The following ZNF568 variants were observed in gnomAD, a reference collection of about 807,000 sequenced individuals.
The protein encoded by ZNF568 is zinc finger protein 568.
ZNF568 carries 11 observed loss-of-function variants against 18.1 expected under a neutral mutation model. The ratio of observed to expected loss-of-function variants is 0.61; its 90% CI spans 0.38 to 1.00. The LOEUF (loss-of-function observed/expected upper bound fraction) is 1.00, where lower values mean the gene tolerates loss of function less well. Ranked by LOEUF, ZNF568 falls within the 50% of genes least tolerant of loss-of-function variation. ZNF568 has a pLI of 0.01. For synonymous variants in ZNF568, 213 were observed against 246.6 expected (o/e 0.86, Z 1.28); for missense variants, 639 against 768.2 (o/e 0.83, Z 1.99).
intron 6 of ZNF568, among the ~76,000 whole-genome samples, chr19:36,968,958 C>T (rs180856617): frequency 1.3e-5 from 2 of 151,022 alleles, no homozygotes; most frequent in South Asian, 2.1e-4. Flanking sequence ...TAGGTTCAAG[C>T]GATTCTCCTG....
In ZNF568 at chr19:36,986,880, C is replaced by T. The variant is rs139072427; in HGVS notation, c.10-4296C>T. Among the ~76,000 whole-genome samples the T allele has an allele frequency of 2.4e-3, 367 of 152,244 alleles. 2 individuals carry two copies. Among genetic ancestry groups the T allele is most frequent in the Non-Finnish European group, 3.6e-3 (244 of 68,018 alleles). On this transcript the variant is annotated intron_variant, in intron 2 of 4. Transcript: ENST00000433993. ...CCGCTCCCCTAAGTGCAGGGGCCAG[C>T]TGAGGGTTCTTTCAAAGGATCAGGA...
chr19:36,937,072 G>C, intron 5 of ZNF568, 75 bp from the exon 6 acceptor site: 1 of 1,493,372 alleles, frequency 6.7e-7, no homozygotes, highest in East Asian at 2.3e-5. Flanking sequence ...AAGCCCTCAA[G>C]CTTGGACTTA....
chr19:36,989,224 C>T (rs2074402507), intron 2 of ZNF568, among the ~76,000 whole-genome samples: 1 of 152,160 alleles, frequency 6.6e-6, no homozygotes, highest in Non-Finnish European at 1.5e-5. Context: ...CCTCTGTTGC[C>T]TAGGCTAGAC....
At chr19:36,919,926 G>A (rs2073422965) in intron 2 of ZNF568, among the ~76,000 whole-genome samples, 1 of 152,092 alleles carries the variant, frequency 6.6e-6, no homozygotes, top group Non-Finnish European at 1.5e-5. Flanking sequence ...ATATGTTACT[G>A]GTTCATGTGC....
chr19:36,950,725 T>C lies in ZNF568; in HGVS notation c.1572T>C (p.His524=), dbSNP rs759243098. ...ACCTCACTGAACATGAGAAAATTCA[T>C]ACTGGAGAGAAACCTTATCATTGTA... ...KSNLTEHEKI[H]TGEKPYHCNQ... Residue 524 remains histidine (H), a synonymous_variant, in exon 7 of 7, where the codon CAT becomes CAC. Transcript: ENST00000333987. The C allele has an allele frequency of 1.9e-6, 3 of 1,613,590 alleles. No individual in the cohort carries two copies. Among genetic ancestry groups the C allele is most frequent in the South Asian group, 1.1e-5 (1 of 91,064 alleles).
intron 6 of ZNF568, among the ~76,000 whole-genome samples, chr19:36,966,649 C>T (rs2074197098): frequency 6.6e-6 from 1 of 152,118 alleles, no homozygotes; most frequent in African/African-American, 2.4e-5. Context: ...TAAGCTTTGT[C>T]AGTAGAGGGT....
chr19:36,982,822 T>TG (rs2074342753), downstream of ZNF568, among the ~76,000 whole-genome samples: 1 of 152,242 alleles, frequency 6.6e-6, no homozygotes, highest in African/African-American at 2.4e-5. Flanking sequence ...GGGAAAAACC[T>TG]AACTTAGCCA....
At chr19:36,997,783 A>C (rs1319128786), downstream of ZNF568, 1 of 598,486 alleles carries the variant, frequency 1.7e-6, no homozygotes, top group Non-Finnish European at 2.9e-6. Flanking sequence ...TGGAAAAAAA[A>C]ACTTATGATT....
Position 36,936,961 on chromosome 19 carries a change from A to G in ZNF568, c.262+89A>G. On this transcript the variant is annotated intron_variant, in intron 5 of 6. Coordinates refer to ENST00000333987, the MANE Select transcript of ZNF568 (RefSeq NM_198539.4). ...AGACTGTAACTTGCCAGATGAATCTAGCCTTTCCTTTCTCCATGTGACTAT... is the reference window on the plus strand; with the variant it reads ...AGACTGTAACTTGCCAGATGAATCTGGCCTTTCCTTTCTCCATGTGACTAT... 2.0e-6 allele frequency: 3 copies of G among 1,515,198 alleles called. No individual in the cohort carries two copies. The South Asian group carries it at 3.6e-5, about 18-fold the overall frequency. The allele number at this position is 1,515,198 out of a possible 1,614,324, so 93.9% of individuals were successfully genotyped here. A position where few individuals can be genotyped will look rare whatever the true frequency, so the allele number is the denominator to read the frequency against.
chr19:36,994,940 G>A (rs185806591), intron 4 of ZNF568, among the ~76,000 whole-genome samples: 7 of 152,038 alleles, frequency 4.6e-5, no homozygotes, highest in South Asian at 2.1e-4. Context: ...GTGACCCACC[G>A]CGCCCGGCCA....
At chr19:36,921,716 A>G (rs1442269263) in intron 2 of ZNF568, among the ~76,000 whole-genome samples, 1 of 152,156 alleles carries the variant, frequency 6.6e-6, no homozygotes, top group South Asian at 2.1e-4. Flanking sequence ...TATTCATCCA[A>G]TATTATTGTG....
chr19:36,934,110 A>G (rs1341961068), intron 4 of ZNF568, among the ~76,000 whole-genome samples: 4 of 150,456 alleles, frequency 2.7e-5, no homozygotes, highest in Non-Finnish European at 5.9e-5. Flanking sequence ...GATTAGTAGT[A>G]ATGTTTCTTC....
chr19:36,988,918 C>T (rs376569221), intron 2 of ZNF568, among the ~76,000 whole-genome samples: 10 of 152,218 alleles, frequency 6.6e-5, no homozygotes, highest in African/African-American at 2.4e-4. Flanking sequence ...AAACCATAGT[C>T]ACCCTACTGT....
At chr19:36,954,502 C>T (rs2074092620), downstream of ZNF568, among the ~76,000 whole-genome samples, 2 of 151,986 alleles carry the variant, frequency 1.3e-5, no homozygotes, top group African/African-American at 2.4e-5. Context: ...ATTATCATTT[C>T]GTAGTCCCTT....
chr19:36,919,138 AC>A (rs2146262575), intron 2 of ZNF568, among the ~76,000 whole-genome samples: 1 of 152,282 alleles, frequency 6.6e-6, no homozygotes, highest in Admixed American at 6.5e-5. Context: ...TTTTATATAT[AC>A]ATGTGGTAAT....
intron 2 of ZNF568, among the ~76,000 whole-genome samples, chr19:36,987,802 AGAG>A: frequency 8.0e-6 from 1 of 124,404 alleles, no homozygotes; most frequent in Non-Finnish European, 1.7e-5. Flanking sequence ...CAAATCTCAG[AGAG>A]AAAGAAAACA....
intron 7 of ZNF568, among the ~76,000 whole-genome samples, chr19:36,977,635 A>T (rs1056661142): frequency 3.3e-5 from 5 of 152,212 alleles, no homozygotes; most frequent in African/African-American, 9.6e-5. Flanking sequence ...TCCTAAGATT[A>T]TCAGAAGATC....
chr19:36,972,400 A>ACTAT lies in ZNF568; in HGVS notation c.359-2018_359-2015dup, dbSNP rs151129693. Among the ~76,000 whole-genome samples, 606 of 152,104 alleles carry ACTAT rather than the reference A, an allele frequency of 4.0e-3. 5 individuals are homozygous for ACTAT. Among genetic ancestry groups the ACTAT allele is most frequent in the African/African-American group, 0.014 (578 of 41,484 alleles). On this transcript the variant is annotated intron_variant, in intron 6 of 7. Transcript: ENST00000427117. ...TTCCGTTATTTCCGCTGCAGACCCA[A>ACTAT]CTATCCCTCATCCTTCTCCAGTCCC...
At chr19:36,963,073 A>G (rs966615611) in intron 6 of ZNF568, among the ~76,000 whole-genome samples, 1 of 152,134 alleles carries the variant, frequency 6.6e-6, no homozygotes, top group Non-Finnish European at 1.5e-5. Flanking sequence ...ATAGGTTTTC[A>G]TTGCTAAATA....
Sources: allele counts gnomAD v4.1 joint callset (sites outside exome capture counted in the v4.1 genomes callset), GRCh38; gene constraint gnomAD v4.1.1; transcripts MANE v1.5; gene names NCBI Gene and HGNC (gene_info 2026-07-23, HGNC 2026-07-21).